IL1RAPL1: variants seen among roughly 807,000 people sequenced by gnomAD.
IL1RAPL1 encodes interleukin 1 receptor accessory protein like 1.
IL1RAPL1 carries 3 observed loss-of-function variants against 48.4 expected under a neutral mutation model. The observed-to-expected ratio is 0.06, with a 90% CI of 0.03 to 0.16. IL1RAPL1 has a LOEUF of 0.16. IL1RAPL1 is among the 10% of genes least tolerant of loss of function. The probability of loss-of-function intolerance (pLI) is 1.00; values close to 1 mark genes in which losing one functional copy is unlikely to be tolerated. For missense variants in IL1RAPL1, 349 were observed against 530.6 expected (o/e 0.66, Z 3.36); for synonymous variants, 185 against 187.7 (o/e 0.99, Z 0.12).
At chrX:28,937,171 CAATA>C (rs1482726767) in intron 2 of IL1RAPL1, among the ~76,000 whole-genome samples, 5 of 111,374 alleles carry the variant, frequency 4.5e-5, no homozygotes, top group Non-Finnish European at 9.4e-5. Context: ...TCTCTGAAAA[CAATA>C]AATAACATTT....
chrX:28,831,962 TTTA>T (rs1441948208), intron 2 of IL1RAPL1, among the ~76,000 whole-genome samples: 5 of 111,611 alleles, frequency 4.5e-5, no homozygotes, highest in African/African-American at 6.5e-5. Context: ...CTTATTCTTT[TTTA>T]TTATTATTTT....
rs191208023 is a variant in IL1RAPL1, at chrX:28,808,155, A to G, written c.82+18730A>G. ...TATGAAGAAAAGGATGGACAATGCC[A>G]GTGGATTAATGGCTTAACTCAGACA... On this transcript the variant is annotated intron_variant, in intron 2 of 10. Coordinates refer to ENST00000378993, the MANE Select transcript of IL1RAPL1 (RefSeq NM_014271.4). 1.7e-3 allele frequency among the ~76,000 whole-genome samples: 193 copies of G among 111,691 alleles called. 1 individual carries two copies. The highest frequency in any genetic ancestry group is 6.1e-3 in the African/African-American group (190 of 30,895).
chrX:29,059,350 C>T (rs946703647), intron 2 of IL1RAPL1, among the ~76,000 whole-genome samples: 5 of 111,282 alleles, frequency 4.5e-5, no homozygotes, highest in African/African-American at 1.6e-4. Context: ...TGCTGCAATA[C>T]CTTTTCTATA....
intron 1 of IL1RAPL1, among the ~76,000 whole-genome samples, chrX:28,714,130 TCTC>T: frequency 8.9e-6 from 1 of 111,964 alleles, no homozygotes; most frequent in South Asian, 3.7e-4. Flanking sequence ...TATACTGAAG[TCTC>T]CTGATGATTT....
chrX:29,930,775 GCTTGAATATGTACT>G lies in IL1RAPL1; in HGVS notation c.1057+10686_1057+10699del, dbSNP rs199819009. ...TTTTCAAGTATATTGAAATCTATTT[GCTTGAATATGTACT>G]CTTGCTCCCACTTTGTCTATTTTAT... On this transcript the variant is annotated intron_variant, in intron 8 of 10. Transcript: ENST00000378993. Among the ~76,000 whole-genome samples the G allele has an allele frequency of 7.1e-4, 79 of 111,341 alleles. No individual in the cohort carries two copies. The East Asian group carries it at 0.02, about 29-fold the overall frequency.
chrX:29,135,098 A>T (rs1202157318), intron 2 of IL1RAPL1, among the ~76,000 whole-genome samples: 1 of 112,059 alleles, frequency 8.9e-6, no homozygotes, highest in Non-Finnish European at 1.9e-5. Context: ...CTAAATAATG[A>T]TCTCATTAAA....
At chrX:28,616,947 G>A (rs1339511924) in intron 1 of IL1RAPL1, among the ~76,000 whole-genome samples, 1 of 112,140 alleles carries the variant, frequency 8.9e-6, no homozygotes, top group African/African-American at 3.2e-5. Context: ...CAGTCACAGG[G>A]AAGTATTCAA....
chrX:29,819,639 G>A (rs928392205), intron 6 of IL1RAPL1, among the ~76,000 whole-genome samples: 3 of 109,647 alleles, frequency 2.7e-5, no homozygotes, highest in Non-Finnish European at 5.7e-5. Flanking sequence ...CACATACAAC[G>A]CACATACCAA....
In IL1RAPL1 at chrX:29,323,709, TTTTTTATA is replaced by T. The variant is rs1932819071; in HGVS notation, c.362+40494_362+40501del. ...GCACTACCTACCAACTCATACTGAATTTTTTATATATATATATATATATATATATATAT... is the reference window on the plus strand; with the variant it reads ...GCACTACCTACCAACTCATACTGAATTATATATATATATATATATATATAT... On this transcript the variant is annotated intron_variant, in intron 3 of 10. Coordinates refer to ENST00000378993, the MANE Select transcript of IL1RAPL1 (RefSeq NM_014271.4). 2.8e-4 allele frequency among the ~76,000 whole-genome samples: 5 copies of T among 17,609 alleles called. 2 individuals carry two copies. Among genetic ancestry groups the T allele is most frequent in the Non-Finnish European group, 4.8e-4 (5 of 10,375 alleles). The allele number at this position is 17,609 out of a possible 115,157, so 15.3% of individuals were successfully genotyped here.
chrX:29,777,930 G>A (rs1233604437), intron 6 of IL1RAPL1, among the ~76,000 whole-genome samples: 2 of 107,422 alleles, frequency 1.9e-5, no homozygotes, highest in Non-Finnish European at 3.9e-5. Context: ...AATTAATCTT[G>A]TTTTCATTTA....
chrX:28,780,359 G>GTC lies in IL1RAPL1; in HGVS notation c.-24-8960_-24-8959insCT, dbSNP rs796181743. Among the ~76,000 whole-genome samples, 356 of 86,892 alleles carry GTC rather than the reference G, an allele frequency of 4.1e-3. 3 individuals are homozygous for GTC. The highest frequency in any genetic ancestry group is 0.017 in the African/African-American group (338 of 19,998). The allele number at this position is 86,892 out of a possible 115,157, so 75.5% of individuals were successfully genotyped here. Reference sequence around the variant, plus strand: ...TGTGTGTGTGTGTGTGTGTGTGTGTGTGTGTGTCTGTCTGTCTGTCCAGAA... The same window carrying GTC: ...TGTGTGTGTGTGTGTGTGTGTGTGTGTCTGTGTGTCTGTCTGTCTGTCCAGAA... On this transcript the variant is annotated intron_variant, in intron 1 of 10. Coordinates refer to ENST00000378993, the MANE Select transcript of IL1RAPL1 (RefSeq NM_014271.4).
Position 29,803,336 on chromosome X carries a change from CATATGTATATATGTAT to C in IL1RAPL1, c.779-114126_779-114111del, listed in dbSNP as rs1221150414. Among the ~76,000 whole-genome samples, 20 of 58,529 alleles carry C rather than the reference CATATGTATATATGTAT, an allele frequency of 3.4e-4. 1 individual carries two copies. The highest frequency in any genetic ancestry group is 1.7e-3 in the South Asian group (2 of 1,199). 50.8% of individuals were successfully genotyped at this position (58,529 alleles called of 115,157 possible). The stretch of plus-strand genomic sequence containing the variant: ...ATGTATATATGTATACATGTATACA[CATATGTATATATGTAT>C]ACATGTATACACATATGTATATATG... On this transcript the variant is annotated intron_variant, in intron 6 of 10. Coordinates refer to ENST00000378993, the MANE Select transcript of IL1RAPL1 (RefSeq NM_014271.4).
At chrX:29,674,885 C>A (rs750957616) in intron 6 of IL1RAPL1, among the ~76,000 whole-genome samples, 1 of 112,103 alleles carries the variant, frequency 8.9e-6, no homozygotes, top group Non-Finnish European at 1.9e-5. Context: ...CATGTTCCTG[C>A]AAAGGACATG....
rs191192407 is a variant in IL1RAPL1 at position 28,709,055 on chromosome X, A to G, written c.-24-80265A>G. Among the ~76,000 whole-genome samples, 28 of 112,357 alleles carry G rather than the reference A, an allele frequency of 2.5e-4. No individual in the cohort carries two copies. The East Asian group carries it at 6.2e-3, about 25-fold the overall frequency. On this transcript the variant is annotated intron_variant, in intron 1 of 10. Coordinates refer to ENST00000378993, the MANE Select transcript of IL1RAPL1 (RefSeq NM_014271.4). ...TAAGGCAAGACTAAAAAATAAAGACAGTGTAAGTCAGTCAGTCAACAGTTT... is the reference window on the plus strand; with the variant it reads ...TAAGGCAAGACTAAAAAATAAAGACGGTGTAAGTCAGTCAGTCAACAGTTT...
chrX:28,917,464 T>G (rs1168389508), intron 2 of IL1RAPL1, among the ~76,000 whole-genome samples: 1 of 111,986 alleles, frequency 8.9e-6, no homozygotes, highest in East Asian at 2.8e-4. Context: ...AATTTTCAGT[T>G]CATTATAGAC....
intron 5 of IL1RAPL1, among the ~76,000 whole-genome samples, chrX:29,518,759 G>A (rs959632874): frequency 7.2e-5 from 8 of 111,715 alleles, no homozygotes; most frequent in Non-Finnish European, 1.3e-4. Flanking sequence ...CATTTACGCT[G>A]AGATGCGGAA....
In IL1RAPL1 at chrX:29,185,064, T is replaced by C. The variant is rs1293978661; in HGVS notation, c.83-97874T>C. Among the ~76,000 whole-genome samples, 5 of 112,199 alleles carry C rather than the reference T, an allele frequency of 4.5e-5. No homozygotes were observed. In the Admixed American group the frequency reaches 4.7e-4, roughly 11 times the overall value. On this transcript the variant is annotated intron_variant, in intron 2 of 10. Coordinates refer to ENST00000378993, the MANE Select transcript of IL1RAPL1 (RefSeq NM_014271.4). ...CATTCACAGAGTAAATTGTACAGTG[T>C]TAAAAACCTGCCATCTTTATCACTT... is the stretch of plus-strand genomic sequence containing the variant.
intron 3 of IL1RAPL1, among the ~76,000 whole-genome samples, chrX:29,302,501 G>A (rs1018430301): frequency 1.8e-5 from 2 of 111,817 alleles, no homozygotes; most frequent in Non-Finnish European, 3.8e-5. Flanking sequence ...ATCCTAGGTG[G>A]TAAGATAGTA....
chrX:29,758,852 T>C (rs1176537168), intron 6 of IL1RAPL1, among the ~76,000 whole-genome samples: 1 of 111,215 alleles, frequency 9.0e-6, no homozygotes, highest in African/African-American at 3.3e-5. Flanking sequence ...TGTTCTGAAG[T>C]AGTTACTGTT....
Sources: allele counts gnomAD v4.1 joint callset (sites outside exome capture counted in the v4.1 genomes callset), GRCh38; gene constraint gnomAD v4.1.1; transcripts MANE v1.5; gene names NCBI Gene and HGNC (gene_info 2026-07-23, HGNC 2026-07-21).